The following FOXN2 variants were observed in gnomAD, a reference collection of about 807,000 sequenced individuals.
FOXN2 encodes forkhead box protein N2.
Under a neutral mutation model 41.2 loss-of-function variants are expected in FOXN2, and 19 were observed. The observed-to-expected ratio is 0.46, with a 90% CI of 0.32 to 0.68. The LOEUF is 0.68. Ranked by LOEUF, FOXN2 falls within the 30% of genes least tolerant of loss-of-function variation. The pLI is 0.03. For synonymous variants in FOXN2, 195 were observed against 176.8 expected, an observed-to-expected ratio of 1.10 and a Z score of -0.82; for missense variants, 587 against 509.4, an observed-to-expected ratio of 1.15 and a Z score of -1.47.
chr2:48,354,616 C>A (rs1671667555), intron 3 of FOXN2, among the ~76,000 whole-genome samples: 1 of 152,174 alleles, frequency 6.6e-6, no homozygotes, highest in Non-Finnish European at 1.5e-5. Context: ...AAAAAAAGTG[C>A]TGTGCTGATA....
intron 1 of FOXN2, among the ~76,000 whole-genome samples, chr2:48,322,797 T>G (rs1263502946): frequency 6.7e-6 from 1 of 149,012 alleles, no homozygotes; most frequent in Non-Finnish European, 1.5e-5. Flanking sequence ...ATATAGGTAT[T>G]TCTCATAATT....
At chr2:48,351,501 C>T (rs1054356472) in intron 3 of FOXN2, among the ~76,000 whole-genome samples, 1 of 152,174 alleles carries the variant, frequency 6.6e-6, no homozygotes, top group Non-Finnish European at 1.5e-5. Context: ...ACTTTTGACG[C>T]TAGGGACTGG....
Position 48,362,627 on chromosome 2 carries a change from T to C in FOXN2, c.639-16T>C. 9 of 1,611,116 alleles carry C rather than the reference T, an allele frequency of 5.6e-6. No individual in the cohort carries two copies. The highest frequency in any genetic ancestry group is 6.8e-6 in the Non-Finnish European group (8 of 1,178,096). ...ACATTTTTATAAGCATATTTGCTTT[T>C]CTGTTTGTTTTTCAGTGGTTCTTTA... is the stretch of plus-strand genomic sequence containing the variant. On this transcript the variant is annotated splice_polypyrimidine_tract_variant and intron_variant, in intron 4 of 6. Transcript: ENST00000340553.
At chr2:48,324,046 A>G (rs1435408158) in intron 1 of FOXN2, among the ~76,000 whole-genome samples, 2 of 152,246 alleles carry the variant, frequency 1.3e-5, no homozygotes, top group East Asian at 3.9e-4. Context: ...ATATTTTAAA[A>G]ATTTTCTTTT....
At chr2:48,339,462 T>G (rs1399320028) in intron 2 of FOXN2, among the ~76,000 whole-genome samples, 3 of 152,166 alleles carry the variant, frequency 2.0e-5, no homozygotes, top group African/African-American at 7.2e-5. Context: ...ACATTTTTGC[T>G]TCCCCTTCTG....
intron 2 of FOXN2, among the ~76,000 whole-genome samples, chr2:48,338,983 A>G (rs1451448450): frequency 6.6e-6 from 1 of 152,206 alleles, no homozygotes; most frequent in East Asian, 1.9e-4. Flanking sequence ...TCCAAACATT[A>G]CAAATCATTA....
intron 3 of FOXN2, among the ~76,000 whole-genome samples, chr2:48,353,855 T>TA (rs1043118891): frequency 3.3e-5 from 5 of 152,092 alleles, no homozygotes; most frequent in African/African-American, 9.6e-5. Context: ...CTTTTTTTTT[T>TA]AAACACTGTA....
chr2:48,365,319 AT>A (rs1672462658), intron 5 of FOXN2, among the ~76,000 whole-genome samples: 1 of 152,182 alleles, frequency 6.6e-6, no homozygotes. Flanking sequence ...TAAGACAAAT[AT>A]CCGTGTTCCT....
intron 3 of FOXN2, among the ~76,000 whole-genome samples, chr2:48,353,628 A>G (rs1323745569): frequency 6.7e-6 from 1 of 150,304 alleles, no homozygotes; most frequent in Non-Finnish European, 1.5e-5. Flanking sequence ...GGGGAGTGAT[A>G]TTATTCAATA....
At position 48,377,558 on chromosome 2, in the gene FOXN2, G is replaced by A. The variant is rs1190746771; in HGVS notation, c.*2115G>A. 6.6e-6 allele frequency: 1 copy of A among 151,946 alleles called. No individual in the cohort carries two copies. Among genetic ancestry groups the A allele is most frequent in the East Asian group, 1.9e-4 (1 of 5,202 alleles). 9.4% of individuals were successfully genotyped at this position (151,946 alleles called of 1,614,324 possible). On this transcript the variant is annotated 3_prime_UTR_variant, in exon 7 of 7. Coordinates refer to ENST00000340553, the MANE Select transcript of FOXN2 (RefSeq NM_002158.4). ...TCCAGCTCTAATAGGGATCTTCAAA[G>A]TTATTTTGTCTTGATGTATGTAACA... is the stretch of plus-strand genomic sequence containing the variant.
At chr2:48,320,006 G>C (rs1475278997) in intron 1 of FOXN2, among the ~76,000 whole-genome samples, 1 of 151,770 alleles carries the variant, frequency 6.6e-6, no homozygotes, top group African/African-American at 2.4e-5. Context: ...CTTGGAGATA[G>C]AGAATTGAGG....
At chr2:48,326,139 C>T (rs759829598) in intron 1 of FOXN2, among the ~76,000 whole-genome samples, 21 of 152,244 alleles carry the variant, frequency 1.4e-4, no homozygotes, top group Admixed American at 5.9e-4. Context: ...CATGAGCCAC[C>T]GTGCCCGGCC....
At chr2:48,355,691 T>C (rs1671750289) in intron 3 of FOXN2, among the ~76,000 whole-genome samples, 1 of 152,180 alleles carries the variant, frequency 6.6e-6, no homozygotes, top group South Asian at 2.1e-4. Flanking sequence ...ACAGCACTTT[T>C]CTGATGAATG....
intron 2 of FOXN2, among the ~76,000 whole-genome samples, chr2:48,329,166 C>T (rs866968377): frequency 1.5e-4 from 23 of 152,156 alleles, no homozygotes; most frequent in Non-Finnish European, 3.1e-4. Flanking sequence ...AAGAAAGAGA[C>T]GAATGACTAC....
At chr2:48,313,689 C>A (rs1256403376), upstream of FOXN2, among the ~76,000 whole-genome samples, 1 of 152,186 alleles carries the variant, frequency 6.6e-6, no homozygotes, top group African/African-American at 2.4e-5. Context: ...ACTTCTCATA[C>A]CTTTGACGGG....
intron 2 of FOXN2, chr2:48,340,856 T>A (rs1400505639): frequency 6.6e-6 from 1 of 152,178 alleles, no homozygotes; most frequent in Non-Finnish European, 1.5e-5. Flanking sequence ...ATTCTCCTCG[T>A]GAATAATTTT....
At chr2:48,316,558 G>A (rs1323762071) in intron 1 of FOXN2, among the ~76,000 whole-genome samples, 2 of 152,182 alleles carry the variant, frequency 1.3e-5, no homozygotes, top group Non-Finnish European at 2.9e-5. Context: ...TTGTGTATAT[G>A]TGTGCTTTGT....
intron 2 of FOXN2, among the ~76,000 whole-genome samples, chr2:48,340,443 A>G (rs558097881): frequency 1.3e-5 from 2 of 152,340 alleles, no homozygotes; most frequent in South Asian, 2.1e-4. Flanking sequence ...GGATATCACT[A>G]TAACATTGAA....
At chr2:48,346,791 G>A in intron 3 of FOXN2, 40 bp downstream of exon 3, 2 of 1,489,472 alleles carry the variant, frequency 1.3e-6, no homozygotes, top group Non-Finnish European at 1.8e-6. Context: ...GTGAGGTGGG[G>A]GGACTAATTA....
Sources: gnomAD v4.1 joint callset for allele counts (sites outside exome capture counted in the v4.1 genomes callset) on GRCh38, gnomAD v4.1.1 for gene constraint, MANE v1.5 for transcripts, NCBI Gene and HGNC (gene_info 2026-07-23, HGNC 2026-07-21) for gene names.